Variants in PKM observed in about 807,000 individuals in gnomAD.
PKM encodes the protein pyruvate kinase PKM.
Under a neutral mutation model 49.8 loss-of-function variants are expected in PKM, and 18 were observed. The observed-to-expected ratio is 0.36, with a 90% CI of 0.25 to 0.54. The LOEUF (loss-of-function observed/expected upper bound fraction) is 0.54, where lower values mean the gene tolerates loss of function less well. Ranked by LOEUF, PKM falls within the 20% of genes least tolerant of loss-of-function variation. The pLI, the probability that PKM is intolerant of heterozygous loss-of-function variation, is 0.89. For missense variants in PKM, 508 were observed against 713.8 expected, an observed-to-expected ratio of 0.71 and a Z score of 3.28; for synonymous variants, 239 against 261.8, an observed-to-expected ratio of 0.91 and a Z score of 0.84.
chr15:72,211,028 C>T (rs1486353968), intron 3 of PKM, among the ~76,000 whole-genome samples: 1 of 151,806 alleles, frequency 6.6e-6, no homozygotes, highest in Admixed American at 6.6e-5. Context: ...CTAAATAACT[C>T]ATTGCTAAGG....
Position 72,202,320 on chromosome 15 carries a change from G to T in PKM, c.1307+134C>A. Reference sequence around the variant, plus strand: ...GGCTCTGCTCAATCCTTCCCTGCAGGCCCAAGGTGGCAGGCAGAGGGGTCT... The same window carrying T: ...GGCTCTGCTCAATCCTTCCCTGCAGTCCCAAGGTGGCAGGCAGAGGGGTCT... On this transcript the variant is annotated intron_variant, in intron 9 of 10. Coordinates refer to ENST00000335181, the MANE Select transcript of PKM (RefSeq NM_002654.6). This position sits in a 1 kb window ranked among gnomAD's most constrained non-coding sequence, Gnocchi z 4.5. The T allele has an allele frequency of 2.3e-6, 2 of 884,436 alleles. No homozygotes were observed. The highest frequency in any genetic ancestry group is 3.6e-6 in the Non-Finnish European group (2 of 551,416). 54.8% of individuals were successfully genotyped at this position (884,436 alleles called of 1,614,324 possible).
At chr15:72,204,183 A>G (rs1488488625) in intron 8 of PKM, 2 of 152,252 alleles carry the variant, frequency 1.3e-5, no homozygotes, top group Non-Finnish European at 2.9e-5. Context: ...GCTCTTAGTT[A>G]TGGGTCATAA....
intron 4 of PKM, 122 bp from the exon 5 acceptor site, chr15:72,209,981 C>T (rs1451129908): frequency 2.4e-6 from 2 of 846,386 alleles, no homozygotes; most frequent in Admixed American, 1.8e-5. Flanking sequence ...AAAAGTAATA[C>T]AGTTTTTTGC....
At chr15:72,220,639 T>C (rs2082497195) in intron 1 of PKM, among the ~76,000 whole-genome samples, 1 of 152,350 alleles carries the variant, frequency 6.6e-6, no homozygotes, top group Non-Finnish European at 1.5e-5. Context: ...ATCTACTACG[T>C]ACCAAAATGA....
At chr15:72,212,969 G>C (rs986001652) in intron 3 of PKM, among the ~76,000 whole-genome samples, 4 of 152,080 alleles carry the variant, frequency 2.6e-5, no homozygotes, top group Non-Finnish European at 5.9e-5. Context: ...CAGCTACTCG[G>C]GAGGCTGAGG....
chr15:72,230,459 C>T (rs919957822), intron 1 of PKM, among the ~76,000 whole-genome samples: 14 of 152,080 alleles, frequency 9.2e-5, no homozygotes, highest in African/African-American at 3.4e-4. Flanking sequence ...TGGGCGGGCG[C>T]GACCAGAGCA....
chr15:72,206,114 T>A (rs949631650), intron 8 of PKM: 1 of 153,902 alleles, frequency 6.5e-6, no homozygotes, highest in Admixed American at 6.4e-5. Flanking sequence ...GACTTTTTGG[T>A]CTAGAGTAAG....
At chr15:72,203,006 GC>G in intron 8 of PKM, 1 of 1,612,654 alleles carries the variant, frequency 6.2e-7, no homozygotes, top group Non-Finnish European at 8.5e-7. Flanking sequence ...AGTGTTACCT[GC>G]CCTTAGGGCC....
chr15:72,228,376 C>CTTTTTTT (rs10656443), intron 1 of PKM, among the ~76,000 whole-genome samples: 1 of 118,842 alleles, frequency 8.4e-6, no homozygotes. Flanking sequence ...TTAGTTGTGG[C>CTTTTTTT]TTTTTTTTTT....
At chr15:72,206,579 A>C in intron 8 of PKM, 149 bp downstream of exon 8, 1 of 746,016 alleles carries the variant, frequency 1.3e-6, no homozygotes, top group Non-Finnish European at 2.2e-6. Flanking sequence ...CTCCACTTCC[A>C]CCCCCACCCT....
At chr15:72,228,761 A>AG (rs1221955121) in intron 1 of PKM, 2 of 480,432 alleles carry the variant, frequency 4.2e-6, no homozygotes, top group Non-Finnish European at 7.3e-6. Flanking sequence ...ACGCTGCAGC[A>AG]GGGGAGTCCT....
rs932542027 is a variant in PKM at position 72,231,039 on chromosome 15, G to A, written c.-14+77C>T. 2.8e-6 allele frequency: 3 copies of A among 1,060,066 alleles called. 1 individual carries two copies. Among genetic ancestry groups the A allele is most frequent in the Non-Finnish European group, 3.8e-6 (3 of 783,868 alleles). 65.7% of individuals were successfully genotyped at this position (1,060,066 alleles called of 1,614,324 possible). A position where few individuals can be genotyped will look rare whatever the true frequency, so the allele number is the denominator to read the frequency against. ...CCTGCCTGCGTGCCCGGGGCCGGCCGGCGCGCCGGGATTCCGCACTAGCCG... is the reference window on the plus strand; with the variant it reads ...CCTGCCTGCGTGCCCGGGGCCGGCCAGCGCGCCGGGATTCCGCACTAGCCG... On this transcript the variant is annotated intron_variant, in intron 1 of 10. Transcript: ENST00000335181.
intron 1 of PKM, chr15:72,229,408 T>C: frequency 2.4e-6 from 1 of 409,032 alleles, no homozygotes. Flanking sequence ...CAAACCTGAT[T>C]CTAAACGCCT....
At chr15:72,223,518 C>G (rs567479852) in intron 1 of PKM, among the ~76,000 whole-genome samples, 1 of 152,104 alleles carries the variant, frequency 6.6e-6, no homozygotes, top group Non-Finnish European at 1.5e-5. Context: ...ACAACTCTTC[C>G]GAACACCTGC....
At chr15:72,230,354 C>G (rs1323454074) in intron 1 of PKM, among the ~76,000 whole-genome samples, 1 of 152,218 alleles carries the variant, frequency 6.6e-6, no homozygotes, top group East Asian at 1.9e-4. Flanking sequence ...CCCGCCCGCC[C>G]CGGACACGGG....
At chr15:72,207,068 CT>C (rs2082102996) in intron 7 of PKM, 58 bp downstream of exon 7, 80 of 1,598,088 alleles carry the variant, frequency 5.0e-5, no homozygotes, top group Non-Finnish European at 6.7e-5. Flanking sequence ...GCCTCCAGAG[CT>C]TTCCCATACA....
At chr15:72,228,071 TA>T (rs2082733783) in intron 1 of PKM, among the ~76,000 whole-genome samples, 1 of 152,228 alleles carries the variant, frequency 6.6e-6, no homozygotes, top group African/African-American at 2.4e-5. Context: ...TGCTCTTTGC[TA>T]AAATATGAAT....
Position 72,225,055 on chromosome 15 carries a change from G to A in PKM, c.-13-5945C>T, listed in dbSNP as rs150579769. On this transcript the variant is annotated intron_variant, in intron 1 of 10. Coordinates refer to ENST00000335181, the MANE Select transcript of PKM (RefSeq NM_002654.6). ...TCCTGCCTCAGCCTCCTGAGTAGCT[G>A]GGACTACAGGCGCCCGCCACCAGGC... is the stretch of plus-strand genomic sequence containing the variant. Among the ~76,000 whole-genome samples, 691 of 148,504 alleles carry A rather than the reference G, an allele frequency of 4.7e-3. 7 individuals carry two copies. The highest frequency in any genetic ancestry group is 0.016 in the African/African-American group (659 of 40,698).
rs546987114 is a variant in PKM at position 72,205,664 on chromosome 15, AG to A, written c.1140+1063del. 1.9e-3 allele frequency among the ~76,000 whole-genome samples: 216 copies of A among 114,158 alleles called. 2 individuals carry two copies. Among genetic ancestry groups the A allele is most frequent in the African/African-American group, 6.7e-3 (197 of 29,584 alleles). 74.9% of individuals were successfully genotyped at this position (114,158 alleles called of 152,430 possible). ...TTTTTTTTCTGTTTTTTCTGGTGGC[AG>A]GGGGTGGCGTTTTAAACTTGGGGGC... is the stretch of plus-strand genomic sequence containing the variant. On this transcript the variant is annotated intron_variant, in intron 8 of 10. Transcript: ENST00000335181.
Sources: gnomAD v4.1 joint callset for allele counts (sites outside exome capture counted in the v4.1 genomes callset) on GRCh38, gnomAD v4.1.1 for gene constraint, Gnocchi (gnomAD v3.1) non-coding constraint, MANE v1.5 for transcripts, NCBI Gene and HGNC (gene_info 2026-07-23, HGNC 2026-07-21) for gene names.